Variants in RABGAP1L observed in about 807,000 individuals in gnomAD.
The protein encoded by RABGAP1L is rab GTPase-activating protein 1-like.
RABGAP1L carries 63 observed loss-of-function variants against 137.7 expected under a neutral mutation model. The ratio of observed to expected loss-of-function variants is 0.46; its 90% CI spans 0.37 to 0.56. RABGAP1L has a LOEUF of 0.56. RABGAP1L is among the 20% of genes least tolerant of loss of function. The pLI is 0.00. For missense variants in RABGAP1L, 1,095 were observed against 1,244.0 expected, an observed-to-expected ratio of 0.88 and a Z score of 1.80; for synonymous variants, 431 against 433.7, an observed-to-expected ratio of 0.99 and a Z score of 0.08.
intron 14 of RABGAP1L, among the ~76,000 whole-genome samples, chr1:174,675,282 G>GA (rs1677526669): frequency 6.6e-6 from 1 of 151,248 alleles, no homozygotes; most frequent in Non-Finnish European, 1.5e-5. Context: ...GTAAGGAAGG[G>GA]ATCCAGTTTC....
intron 13 of RABGAP1L, among the ~76,000 whole-genome samples, chr1:174,434,682 C>A (rs1342370583): frequency 3.3e-5 from 5 of 152,138 alleles, no homozygotes; most frequent in Non-Finnish European, 5.9e-5. Flanking sequence ...ATTGGTATCT[C>A]ATTGTGGGTG....
chr1:174,407,472 A>G (rs1649410874), intron 13 of RABGAP1L, among the ~76,000 whole-genome samples: 1 of 152,004 alleles, frequency 6.6e-6, no homozygotes, highest in South Asian at 2.1e-4. Context: ...CCCAGATCTA[A>G]CTATTAATAG....
chr1:174,286,311 A>G (rs1676041979), intron 10 of RABGAP1L, among the ~76,000 whole-genome samples: 1 of 152,144 alleles, frequency 6.6e-6, no homozygotes, highest in Non-Finnish European at 1.5e-5. Flanking sequence ...ATATGTTTCC[A>G]GGAATTTATT....
chr1:174,787,575 A>T (rs1687546916), intron 18 of RABGAP1L, among the ~76,000 whole-genome samples: 1 of 152,210 alleles, frequency 6.6e-6, no homozygotes, highest in South Asian at 2.1e-4. Context: ...GACATTGGGC[A>T]TGAGGGGTCA....
intron 8 of RABGAP1L, among the ~76,000 whole-genome samples, chr1:174,274,526 G>A (rs1674807361): frequency 6.6e-6 from 1 of 151,566 alleles, no homozygotes; most frequent in Non-Finnish European, 1.5e-5. Flanking sequence ...TTATAAGTAC[G>A]GTGTATTCTA....
Position 174,626,419 on chromosome 1 carries a change from G to T in RABGAP1L, c.1711-10956G>T, listed in dbSNP as rs948586302. Among the ~76,000 whole-genome samples, 4 of 152,158 alleles carry T rather than the reference G, an allele frequency of 2.6e-5. No homozygotes were observed. In the East Asian group the frequency reaches 7.7e-4, roughly 29 times the overall value. On this transcript the variant is annotated intron_variant, in intron 13 of 25. Coordinates refer to ENST00000681986, the MANE Select transcript of RABGAP1L (RefSeq NM_001366446.1). ...CACATCATGAATATTGACTGCTCTC[G>T]AAATACGCTTCGTCCTCTCCTCTCT...
intron 19 of RABGAP1L, among the ~76,000 whole-genome samples, chr1:174,917,276 G>A (rs755413555): frequency 1.3e-5 from 2 of 152,088 alleles, no homozygotes; most frequent in Non-Finnish European, 2.9e-5. Flanking sequence ...ACACTTAGAG[G>A]AAATTGGCAG....
At chr1:174,260,267 A>G (rs1447515487) in intron 7 of RABGAP1L, among the ~76,000 whole-genome samples, 1 of 152,220 alleles carries the variant, frequency 6.6e-6, no homozygotes, top group African/African-American at 2.4e-5. Flanking sequence ...TTAAAGGCTA[A>G]ACCCAATTAA....
chr1:174,790,235 A>G (rs905533059), intron 18 of RABGAP1L, among the ~76,000 whole-genome samples: 3 of 152,110 alleles, frequency 2.0e-5, no homozygotes, highest in Non-Finnish European at 4.4e-5. Flanking sequence ...AATACGTAAC[A>G]AAGAAGTAAG....
rs912079932 is a variant in RABGAP1L, at chr1:174,699,574, A to G, written c.1949A>G (p.Tyr650Cys). The change falls in exon 16 of 26, where the codon TAT (tyrosine) becomes TGT (cysteine). Residue 650 changes from tyrosine to cysteine, a missense_variant. Transcript: ENST00000681986. Reference protein sequence around the residue: ...FCVLVKIMYDYGLRDLYRNNF... With the variant: ...FCVLVKIMYDCGLRDLYRNNF... ...GTTTTGGTGAAAATCATGTACGACT[A>G]TGGTTTGAGAGACCTCTACAGAAAC... The G allele has an allele frequency of 5.6e-5, 91 of 1,611,556 alleles. No individual in the cohort carries two copies. Among genetic ancestry groups the G allele is most frequent in the Admixed American group, 2.0e-4 (12 of 59,988 alleles).
chr1:174,838,275 A>G (rs1277716530), intron 19 of RABGAP1L, among the ~76,000 whole-genome samples: 1 of 152,232 alleles, frequency 6.6e-6, no homozygotes, highest in Non-Finnish European at 1.5e-5. Flanking sequence ...AAGCTTAACA[A>G]TTATACTATA....
chr1:174,952,204 AC>A (rs1206681876), intron 19 of RABGAP1L, among the ~76,000 whole-genome samples: 8 of 151,986 alleles, frequency 5.3e-5, no homozygotes, highest in African/African-American at 1.9e-4. Context: ...TCCTAAATGT[AC>A]AAAGATCTTG....
intron 7 of RABGAP1L, among the ~76,000 whole-genome samples, chr1:174,260,197 G>A (rs1182664879): frequency 6.6e-6 from 1 of 152,142 alleles, no homozygotes; most frequent in Non-Finnish European, 1.5e-5. Context: ...TGGTTACTTG[G>A]CCAGAAACTG....
At chr1:174,499,590 A>G (rs1418727369) in intron 13 of RABGAP1L, among the ~76,000 whole-genome samples, 6 of 152,196 alleles carry the variant, frequency 3.9e-5, no homozygotes, top group South Asian at 2.1e-4. Context: ...ATTTCAAGCA[A>G]TGTTACCTTG....
At chr1:174,728,045 C>T (rs1446796862) in intron 17 of RABGAP1L, among the ~76,000 whole-genome samples, 2 of 152,170 alleles carry the variant, frequency 1.3e-5, no homozygotes, top group African/African-American at 2.4e-5. Context: ...CAATGTTATA[C>T]AGCAGTAACA....
intron 1 of RABGAP1L, among the ~76,000 whole-genome samples, chr1:174,201,193 C>G: frequency 6.6e-6 from 1 of 152,062 alleles, no homozygotes; most frequent in Non-Finnish European, 1.5e-5. Context: ...TGGCCTCAAG[C>G]AGTAATCCGT....
At position 174,278,750 on chromosome 1, in the gene RABGAP1L, A is replaced by G; in HGVS notation, c.1294A>G (p.Thr432Ala). The change falls in exon 10 of 26, where the codon ACA becomes GCA. Residue 432 changes from threonine (T) to alanine (A), a missense_variant. Around this residue, in one of 4 missense-constraint regions of RABGAP1L, gnomAD observed 315 missense variants for 324.8 expected, o/e 0.97. Transcript: ENST00000681986. ...RFWYFSRKTF[T>A]ETFFMRLKQS... Reference sequence around the variant, plus strand: ...TTGGTATTTCAGCAGAAAGACTTTCACAGAGACTTTCTTCATGAGATTGAA... The same window carrying G: ...TTGGTATTTCAGCAGAAAGACTTTCGCAGAGACTTTCTTCATGAGATTGAA... The G allele has an allele frequency of 6.3e-7, 1 of 1,581,400 alleles. No individual in the cohort carries two copies. The highest frequency in any genetic ancestry group is 1.2e-5 in the South Asian group (1 of 85,366).
chr1:174,334,441 C>T (rs1411461891), intron 11 of RABGAP1L, among the ~76,000 whole-genome samples: 2 of 152,174 alleles, frequency 1.3e-5, no homozygotes. Flanking sequence ...TCTGAAAATC[C>T]TTTGGTGGCT....
intron 19 of RABGAP1L, among the ~76,000 whole-genome samples, chr1:174,833,408 G>GTGTATA (rs754029582): frequency 0.018 from 1,206 of 67,444 alleles, 24 homozygotes; most frequent in African/African-American, 0.048. Context: ...GTGTATGTGT[G>GTGTATA]TATGTGTGTG....
Sources: allele counts gnomAD v4.1 joint callset (sites outside exome capture counted in the v4.1 genomes callset), GRCh38; gene constraint gnomAD v4.1.1; regional missense constraint gnomAD v4.1.1; transcripts MANE v1.5; gene names NCBI Gene and HGNC (gene_info 2026-07-23, HGNC 2026-07-21).